TXNDC12: variants seen among roughly 807,000 people sequenced by gnomAD.
TXNDC12 encodes thioredoxin domain containing 12, also known as thioredoxin domain-containing protein 12.
TXNDC12 carries 22 observed loss-of-function variants against 24.2 expected under a neutral mutation model. That is an observed-to-expected ratio of 0.91 (90% CI 0.65 to 1.30). The LOEUF (loss-of-function observed/expected upper bound fraction) is 1.30, where lower values mean the gene tolerates loss of function less well. Among genes scored for constraint, TXNDC12 ranks in the 50% most tolerant of loss-of-function variants. TXNDC12 has a pLI of 0.00. For synonymous variants in TXNDC12, 58 were observed against 73.4 expected (o/e 0.79, Z 1.07); for missense variants, 184 against 205.8 (o/e 0.89, Z 0.65).
intron 1 of TXNDC12, 40 bp from the exon 2 acceptor site, chr1:52,041,637 A>T (rs1052399624): frequency 7.2e-7 from 1 of 1,387,582 alleles, no homozygotes; most frequent in Admixed American, 1.8e-5. Context: ...CATAATGAAC[A>T]AAGGGCACAG....
At chr1:52,055,269 T>A, upstream of TXNDC12, 1 of 592,148 alleles carries the variant, frequency 1.7e-6, no homozygotes, top group Non-Finnish European at 3.0e-6. Flanking sequence ...GCCTCCGGGG[T>A]CCGGTTTGGG....
intron 1 of TXNDC12, 123 bp downstream of exon 1, chr1:52,054,877 A>T: frequency 1.4e-6 from 1 of 689,906 alleles, no homozygotes; most frequent in East Asian, 2.8e-5. Flanking sequence ...TGGGGAAGAT[A>T]AAAAGAAATC....
At chr1:52,024,445 G>T in intron 5 of TXNDC12, 65 bp downstream of exon 5, 1 of 1,282,540 alleles carries the variant, frequency 7.8e-7, no homozygotes, top group Non-Finnish European at 1.1e-6. Flanking sequence ...GGTGAAGTCA[G>T]TGCCTTGATT....
At chr1:52,035,808 C>T (rs542220132) in intron 2 of TXNDC12, among the ~76,000 whole-genome samples, 1 of 152,246 alleles carries the variant, frequency 6.6e-6, no homozygotes, top group African/African-American at 2.4e-5. Flanking sequence ...TGTGCATAAA[C>T]TAAACCTACT....
At chr1:52,037,564 G>A (rs1272554132) in intron 2 of TXNDC12, among the ~76,000 whole-genome samples, 1 of 152,074 alleles carries the variant, frequency 6.6e-6, no homozygotes. Flanking sequence ...GCTCTGGGTG[G>A]CCAGAGTATT....
intron 1 of TXNDC12, among the ~76,000 whole-genome samples, chr1:52,050,247 T>A (rs935285163): frequency 6.6e-6 from 1 of 152,198 alleles, no homozygotes; most frequent in Non-Finnish European, 1.5e-5. Flanking sequence ...GTTTAAAAGG[T>A]ACAATGTTTA....
At chr1:52,048,555 A>G (rs896967404) in intron 1 of TXNDC12, among the ~76,000 whole-genome samples, 1 of 151,960 alleles carries the variant, frequency 6.6e-6, no homozygotes, top group African/African-American at 2.4e-5. Context: ...CAAGGAAGCT[A>G]GATTAATATA....
intron 2 of TXNDC12, chr1:52,032,984 TAG>T (rs1685797888): frequency 6.4e-7 from 1 of 1,570,416 alleles, no homozygotes; most frequent in African/African-American, 1.4e-5. Flanking sequence ...TGGGACTGCG[TAG>T]ACTGATGGGG....
chr1:52,027,307 G>A lies in TXNDC12; in HGVS notation c.253C>T (p.Leu85Phe). ...KFAESTEISE[L>F]SHNFVMVNLE... The stretch of plus-strand genomic sequence containing the variant: ...TTTACCATAACAAAATTATGGGAGA[G>A]TTCTGAAATTTCCGTAGATTCTGCA... The change falls in exon 4 of 7, where the codon CTC becomes TTC. Residue 85 changes from leucine (L) to phenylalanine (F), a missense_variant. Leu to Phe is a conservative substitution (Grantham distance 22). Coordinates refer to ENST00000371626, the MANE Select transcript of TXNDC12 (RefSeq NM_015913.4). The A allele has an allele frequency of 6.2e-7, 1 of 1,613,344 alleles. No individual in the cohort carries two copies. Among genetic ancestry groups the A allele is most frequent in the Non-Finnish European group, 8.5e-7 (1 of 1,179,472 alleles).
At chr1:52,040,720 G>A (rs1685970531) in intron 2 of TXNDC12, among the ~76,000 whole-genome samples, 1 of 152,070 alleles carries the variant, frequency 6.6e-6, no homozygotes, top group Non-Finnish European at 1.5e-5. Context: ...CATATAAGTG[G>A]ACCTGTGCAG....
At chr1:52,031,307 G>A (rs1019921145) in intron 2 of TXNDC12, among the ~76,000 whole-genome samples, 13 of 138,156 alleles carry the variant, frequency 9.4e-5, no homozygotes, top group African/African-American at 1.4e-4. Context: ...TTACAGGCAC[G>A]TGCCACCACG....
At chr1:52,053,785 C>A (rs1164931478) in intron 1 of TXNDC12, among the ~76,000 whole-genome samples, 1 of 152,118 alleles carries the variant, frequency 6.6e-6, no homozygotes, top group Non-Finnish European at 1.5e-5. Context: ...AGATGGAAAC[C>A]CACATATCAC....
At position 52,028,330 on chromosome 1, in the gene TXNDC12, G is replaced by A. The variant is rs1190015910; in HGVS notation, c.211+248C>T. Among the ~76,000 whole-genome samples the A allele has an allele frequency of 2.6e-5, 4 of 152,110 alleles. No homozygotes were observed. The South Asian group carries it at 6.2e-4, about 24-fold the overall frequency. On this transcript the variant is annotated intron_variant, in intron 3 of 6. Transcript: ENST00000371626. ...ATTTCAGCTTCCTCTAACATGTATTGTTCATTTGACATTTTAGCACTTAAT... is the reference window on the plus strand; with the variant it reads ...ATTTCAGCTTCCTCTAACATGTATTATTCATTTGACATTTTAGCACTTAAT...
chr1:52,044,739 C>T (rs934825060), intron 1 of TXNDC12, among the ~76,000 whole-genome samples: 4 of 152,008 alleles, frequency 2.6e-5, no homozygotes, highest in Non-Finnish European at 4.4e-5. Flanking sequence ...TTTGGGAGGC[C>T]GACGTGGATG....
intron 6 of TXNDC12, among the ~76,000 whole-genome samples, chr1:52,022,173 G>A (rs549173463): frequency 3.3e-5 from 5 of 152,264 alleles, no homozygotes; most frequent in African/African-American, 7.2e-5. Context: ...CTGAGAATAA[G>A]AGTATCAAGG....
At chr1:52,039,404 C>A (rs962192680) in intron 2 of TXNDC12, among the ~76,000 whole-genome samples, 2 of 152,082 alleles carry the variant, frequency 1.3e-5, no homozygotes, top group African/African-American at 4.8e-5. Flanking sequence ...TCTTGGCTTA[C>A]TGCAACTCCG....
chr1:52,033,254 C>G lies in TXNDC12; in HGVS notation c.159-4624G>C. On this transcript the variant is annotated intron_variant, in intron 2 of 6. Transcript: ENST00000371626. ...TCTTCTCGCTCCAGTTCCTTGGGTA[C>G]GTCGGCCTGGGCACTTCCATTTACT... 2 of 1,613,896 alleles carry G rather than the reference C, an allele frequency of 1.2e-6. No individual in the cohort carries two copies. The highest frequency in any genetic ancestry group is 1.7e-6 in the Non-Finnish European group (2 of 1,179,914).
intron 2 of TXNDC12, chr1:52,032,046 T>C (rs1280945399): frequency 2.7e-6 from 2 of 748,244 alleles, no homozygotes; most frequent in Non-Finnish European, 3.3e-6. Flanking sequence ...CAATGACAAG[T>C]ATACCTAAAA....
At chr1:52,052,446 GT>G (rs1363347354) in intron 1 of TXNDC12, 1 of 169,270 alleles carries the variant, frequency 5.9e-6, no homozygotes, top group Non-Finnish European at 1.5e-5. Flanking sequence ...GTAAGGCTAG[GT>G]GACAAAAATG....
Sources: gnomAD v4.1 joint callset for allele counts (sites outside exome capture counted in the v4.1 genomes callset) on GRCh38, gnomAD v4.1.1 for gene constraint, MANE v1.5 for transcripts, NCBI Gene and HGNC (gene_info 2026-07-23, HGNC 2026-07-21) for gene names.